Variants in NTM observed in about 807,000 individuals in gnomAD.
NTM encodes the protein neurotrimin.
Under a neutral mutation model 42.1 loss-of-function variants are expected in NTM, and 13 were observed. The ratio of observed to expected loss-of-function variants is 0.31; its 90% CI spans 0.20 to 0.49. The LOEUF (loss-of-function observed/expected upper bound fraction) is 0.49. NTM is among the 20% of genes least tolerant of loss of function. NTM has a pLI of 0.99. For synonymous variants in NTM, 187 were observed against 179.2 expected, an observed-to-expected ratio of 1.04 and a Z score of -0.35; for missense variants, 373 against 452.8, an observed-to-expected ratio of 0.82 and a Z score of 1.60.
chr11:132,274,171 A>G (rs2093619786), intron 4 of NTM, among the ~76,000 whole-genome samples: 1 of 151,792 alleles, frequency 6.6e-6, no homozygotes. Flanking sequence ...AATAACCAAC[A>G]ATTGATTTTC....
rs138050538 is a variant in NTM at position 131,515,273 on chromosome 11, A to G, written c.82+144385A>G. ...ATCAGAACCACTTGGCCTCACCCAC[A>G]GTGTTTGCAAGGCTGCACGTAGATG... On this transcript the variant is annotated intron_variant, in intron 1 of 8. Coordinates refer to ENST00000683400, the MANE Select transcript of NTM (RefSeq NM_001352005.2). Among the ~76,000 whole-genome samples, 442 of 152,242 alleles carry G rather than the reference A, an allele frequency of 2.9e-3. 1 individual carries two copies. The highest frequency in any genetic ancestry group is 6.8e-3 in the Middle Eastern group (2 of 294).
intron 1 of NTM, among the ~76,000 whole-genome samples, chr11:131,444,781 T>C (rs1395708206): frequency 6.6e-6 from 1 of 152,098 alleles, no homozygotes; most frequent in Non-Finnish European, 1.5e-5. Flanking sequence ...ACAAGTGGAA[T>C]CAGTTGATCT....
At position 132,276,122 on chromosome 11, in the gene NTM, C is replaced by T. The variant is rs1412455862; in HGVS notation, c.527-31567C>T. Among the ~76,000 whole-genome samples, 4 of 152,102 alleles carry T rather than the reference C, an allele frequency of 2.6e-5. No homozygotes were observed. The South Asian group carries it at 8.3e-4, about 32-fold the overall frequency. On this transcript the variant is annotated intron_variant, in intron 4 of 8. Transcript: ENST00000683400. Reference sequence around the variant, plus strand: ...TTGTCATTCTGTGTCTGGCTTATTTCACTTAACCTGCTGCCCTCCAGGTTC... The same window carrying T: ...TTGTCATTCTGTGTCTGGCTTATTTTACTTAACCTGCTGCCCTCCAGGTTC...
chr11:132,131,512 T>C (rs577079732), intron 2 of NTM, among the ~76,000 whole-genome samples: 3 of 152,204 alleles, frequency 2.0e-5, no homozygotes, highest in African/African-American at 7.2e-5. Flanking sequence ...TGCAGCCTTG[T>C]TGGGTCAGAG....
chr11:131,425,682 G>T (rs1394974395), intron 1 of NTM, among the ~76,000 whole-genome samples: 1 of 152,142 alleles, frequency 6.6e-6, no homozygotes, highest in Non-Finnish European at 1.5e-5. Flanking sequence ...TTTGAAGCCT[G>T]GTTTAAGGCA....
At chr11:132,109,093 C>G (rs561163032) in intron 2 of NTM, among the ~76,000 whole-genome samples, 5 of 152,264 alleles carry the variant, frequency 3.3e-5, no homozygotes, top group African/African-American at 1.2e-4. Flanking sequence ...TTTTCTTTAT[C>G]CAGTCTATCA....
rs2075474301 is a variant in NTM, at chr11:131,696,584, A to G, written c.83-214980A>G. Among the ~76,000 whole-genome samples the G allele has an allele frequency of 2.0e-5, 3 of 152,040 alleles. No homozygotes were observed. In the South Asian group the frequency reaches 6.2e-4, roughly 32 times the overall value. ...ACACCCTGTAGCTAAGTGACCCTCCACTGTACCTAACCTCTCTGAGCCTGA... is the reference window on the plus strand; with the variant it reads ...ACACCCTGTAGCTAAGTGACCCTCCGCTGTACCTAACCTCTCTGAGCCTGA... On this transcript the variant is annotated intron_variant, in intron 1 of 8. Transcript: ENST00000683400.
Position 131,640,350 on chromosome 11 carries a change from A to C in NTM, c.82+269462A>C, listed in dbSNP as rs57151484. 8.3e-3 allele frequency among the ~76,000 whole-genome samples: 1,270 copies of C among 152,332 alleles called. 15 individuals are homozygous for C. Among genetic ancestry groups the C allele is most frequent in the African/African-American group, 0.027 (1,113 of 41,572 alleles). ...AGGTTGAGATGCATATATCCTGAAA[A>C]AGATTATTCACAAAGGAAGACGCAG... On this transcript the variant is annotated intron_variant, in intron 1 of 8. Transcript: ENST00000683400.
Position 131,854,292 on chromosome 11 carries a change from G to A in NTM, c.83-57272G>A, listed in dbSNP as rs146936819. Among the ~76,000 whole-genome samples the A allele has an allele frequency of 2.6e-5, 4 of 152,248 alleles. No individual in the cohort carries two copies. In the East Asian group the frequency reaches 7.7e-4, roughly 29 times the overall value. ...AAGACATACGAGTTTCTTCCTTTAG[G>A]GAGCTACCAGCTGAATGAAAAGGTA... On this transcript the variant is annotated intron_variant, in intron 1 of 8. Transcript: ENST00000683400.
chr11:132,177,070 A>G (rs552752713), intron 3 of NTM, among the ~76,000 whole-genome samples: 10 of 152,138 alleles, frequency 6.6e-5, no homozygotes, highest in Admixed American at 1.3e-4. Flanking sequence ...TTGTTACTCA[A>G]ACTTCTCCTT....
intron 1 of NTM, among the ~76,000 whole-genome samples, chr11:131,491,479 C>T (rs1954783224): frequency 6.9e-6 from 1 of 144,880 alleles, no homozygotes; most frequent in African/African-American, 2.9e-5. Flanking sequence ...ACATCCATAC[C>T]TAATTTTATA....
chr11:131,615,226 A>G (rs1463740681), intron 1 of NTM, among the ~76,000 whole-genome samples: 1 of 152,176 alleles, frequency 6.6e-6, no homozygotes, highest in African/African-American at 2.4e-5. Flanking sequence ...CAGTCCAGTT[A>G]CTGGGTCTCT....
chr11:131,827,951 T>C (rs920409595), intron 1 of NTM, among the ~76,000 whole-genome samples: 2 of 152,144 alleles, frequency 1.3e-5, no homozygotes, highest in Non-Finnish European at 2.9e-5. Context: ...GGATTAAATT[T>C]TTCTCAGTGT....
At chr11:131,552,479 T>C (rs1338669725) in intron 1 of NTM, among the ~76,000 whole-genome samples, 1 of 135,588 alleles carries the variant, frequency 7.4e-6, no homozygotes, top group Non-Finnish European at 1.5e-5. Context: ...ACCTCCAGCC[T>C]GGGCGACAGA....
In NTM at chr11:132,336,526, C is replaced by A. The variant is rs2095873541; in HGVS notation, c.*1380C>A. 1.3e-5 allele frequency: 2 copies of A among 152,790 alleles called. No homozygotes were observed. Among genetic ancestry groups the A allele is most frequent in the South Asian group, 4.2e-4 (2 of 4,818 alleles). The allele number at this position is 152,790 out of a possible 1,614,324, so 9.5% of individuals were successfully genotyped here. A position where few individuals can be genotyped will look rare whatever the true frequency, so the allele number is the denominator to read the frequency against. On this transcript the variant is annotated 3_prime_UTR_variant, in exon 9 of 9. Transcript: ENST00000683400. ...ACAGCAAGCAGCTGAACAAGCAGTACCGTCAGTACCCACTTGCTTTAGCCC... is the reference window on the plus strand; with the variant it reads ...ACAGCAAGCAGCTGAACAAGCAGTAACGTCAGTACCCACTTGCTTTAGCCC...
Position 131,519,057 on chromosome 11 carries a change from G to A in NTM, c.82+148169G>A, listed in dbSNP as rs550645379. ...TGAATAGAAATGAGTTTTACCTGGTGATGTCTTGAAGTAGTGCTAGATAAA... is the reference window on the plus strand; with the variant it reads ...TGAATAGAAATGAGTTTTACCTGGTAATGTCTTGAAGTAGTGCTAGATAAA... On this transcript the variant is annotated intron_variant, in intron 1 of 8. Transcript: ENST00000683400. Among the ~76,000 whole-genome samples, 9 of 152,320 alleles carry A rather than the reference G, an allele frequency of 5.9e-5. No individual in the cohort carries two copies. In the South Asian group the frequency reaches 8.3e-4, roughly 14 times the overall value.
chr11:132,231,837 C>T (rs1053787045), intron 4 of NTM, among the ~76,000 whole-genome samples: 2 of 145,702 alleles, frequency 1.4e-5, no homozygotes, highest in African/African-American at 5.2e-5. Flanking sequence ...TTGATAATAT[C>T]AAGATGCTGC....
chr11:132,165,483 T>C (rs1251590240), intron 3 of NTM, among the ~76,000 whole-genome samples: 1 of 152,214 alleles, frequency 6.6e-6, no homozygotes, highest in African/African-American at 2.4e-5. Context: ...CTGTGTCACA[T>C]GGTCACAGTA....
At chr11:132,041,202 T>G (rs2077137903) in intron 2 of NTM, among the ~76,000 whole-genome samples, 1 of 118,416 alleles carries the variant, frequency 8.4e-6, no homozygotes, top group African/African-American at 3.1e-5. Context: ...TGTGTGGGTG[T>G]GTGTGTGTGA....
Sources: gnomAD v4.1 joint callset for allele counts (sites outside exome capture counted in the v4.1 genomes callset) on GRCh38, gnomAD v4.1.1 for gene constraint, MANE v1.5 for transcripts, NCBI Gene and HGNC (gene_info 2026-07-23, HGNC 2026-07-21) for gene names.